TCF7L2: variants seen among roughly 807,000 people sequenced by gnomAD.
The protein encoded by TCF7L2 is transcription factor 7 like 2, also known as transcription factor 7-like 2.
TCF7L2 carries 23 observed loss-of-function variants against 77.9 expected under a neutral mutation model. That is an observed-to-expected ratio of 0.30 (90% CI 0.21 to 0.42). TCF7L2 has a LOEUF of 0.42. Ranked by LOEUF, TCF7L2 falls within the 10% of genes least tolerant of loss-of-function variation. The pLI is 1.00. For missense variants in TCF7L2, 654 were observed against 793.1 expected, an observed-to-expected ratio of 0.82 and a Z score of 2.11; for synonymous variants, 413 against 340.2, an observed-to-expected ratio of 1.21 and a Z score of -2.36.
At chr10:113,134,441 A>G (rs1322536239) in intron 5 of TCF7L2, among the ~76,000 whole-genome samples, 1 of 152,180 alleles carries the variant, frequency 6.6e-6, no homozygotes, top group African/African-American at 2.4e-5. Context: ...CAGCAGAAAT[A>G]GTTGCTAACT....
chr10:113,148,444 C>T (rs1037854573), intron 8 of TCF7L2, among the ~76,000 whole-genome samples: 1 of 152,112 alleles, frequency 6.6e-6, no homozygotes, highest in South Asian at 2.1e-4. Context: ...AATGACAAAC[C>T]TAATGCAACT....
At chr10:113,048,215 G>C (rs2053795284) in intron 5 of TCF7L2, among the ~76,000 whole-genome samples, 1 of 152,172 alleles carries the variant, frequency 6.6e-6, no homozygotes, top group South Asian at 2.1e-4. Flanking sequence ...CGCCTACTTA[G>C]AGCTACACTC....
At chr10:113,082,370 C>G (rs1204731508) in intron 5 of TCF7L2, among the ~76,000 whole-genome samples, 1 of 151,736 alleles carries the variant, frequency 6.6e-6, no homozygotes, top group South Asian at 2.1e-4. Context: ...TTTCCCTGTA[C>G]TGTTTATGAT....
At chr10:112,954,501 T>G (rs920722125) in intron 3 of TCF7L2, among the ~76,000 whole-genome samples, 2 of 152,248 alleles carry the variant, frequency 1.3e-5, no homozygotes, top group Non-Finnish European at 2.9e-5. Context: ...CAAAGATTTC[T>G]GCATAATATT....
At chr10:113,129,752 AAAG>A (rs1326599470) in intron 5 of TCF7L2, 2 of 1,253,486 alleles carry the variant, frequency 1.6e-6, no homozygotes, top group Non-Finnish European at 2.0e-6. Flanking sequence ...CTGGGAGGAA[AAAG>A]AAAAGTGAGA....
At chr10:113,143,866 G>A (rs980346456) in intron 6 of TCF7L2, 57 bp from the exon 7 acceptor site, 4 of 1,349,968 alleles carry the variant, frequency 3.0e-6, no homozygotes, top group Admixed American at 3.5e-5. Flanking sequence ...ATCCCCTAAT[G>A]GATTGCTCTT....
chr10:113,059,080 G>A (rs184354405), intron 5 of TCF7L2, among the ~76,000 whole-genome samples: 2 of 152,278 alleles, frequency 1.3e-5, no homozygotes, highest in Non-Finnish European at 2.9e-5. Context: ...GGGAGGGGAA[G>A]CTTTAGGGCC....
At chr10:113,070,734 C>T (rs190113698) in intron 5 of TCF7L2, among the ~76,000 whole-genome samples, 5 of 152,164 alleles carry the variant, frequency 3.3e-5, no homozygotes, top group Non-Finnish European at 5.9e-5. Context: ...GCTCTATTTG[C>T]TATAGTTAAA....
chr10:113,130,703 T>G (rs1460581361), intron 5 of TCF7L2, among the ~76,000 whole-genome samples: 1 of 152,078 alleles, frequency 6.6e-6, no homozygotes, highest in East Asian at 1.9e-4. Context: ...AATTTGGGAT[T>G]TAGGATCCAT....
intron 4 of TCF7L2, among the ~76,000 whole-genome samples, chr10:113,021,020 C>G (rs2048188803): frequency 6.6e-6 from 1 of 152,188 alleles, no homozygotes; most frequent in African/African-American, 2.4e-5. Flanking sequence ...TGATCGTTCT[C>G]TTCTGTCTCT....
chr10:113,060,558 C>G (rs1251417450), intron 5 of TCF7L2, among the ~76,000 whole-genome samples: 1 of 152,054 alleles, frequency 6.6e-6, no homozygotes, highest in East Asian at 1.9e-4. Context: ...GCTTTCTCTC[C>G]AAGCGAGGGG....
intron 5 of TCF7L2, among the ~76,000 whole-genome samples, chr10:113,104,046 C>G (rs545440812): frequency 3.9e-5 from 6 of 152,290 alleles, no homozygotes; most frequent in Admixed American, 3.3e-4. Flanking sequence ...CAGCCCCCTC[C>G]TGAGAATTAG....
intron 4 of TCF7L2, among the ~76,000 whole-genome samples, chr10:113,033,185 TTCC>T (rs1170163535): frequency 6.7e-6 from 1 of 150,080 alleles, no homozygotes; most frequent in Non-Finnish European, 1.5e-5. Context: ...CCTCCCTCCT[TTCC>T]TCCTCCTCCT....
intron 1 of TCF7L2, 64 bp downstream of exon 1, chr10:112,951,009 T>G: frequency 6.5e-7 from 1 of 1,543,748 alleles, no homozygotes; most frequent in South Asian, 1.2e-5. Context: ...CAAATGTTGC[T>G]GAAAGGGGAG....
Position 113,029,479 on chromosome 10 carries a change from A to G in TCF7L2, c.451-10546A>G, listed in dbSNP as rs138434152. Among the ~76,000 whole-genome samples, 139 of 148,572 alleles carry G rather than the reference A, an allele frequency of 9.4e-4. 1 individual carries two copies. In the East Asian group the frequency reaches 0.011, roughly 12 times the overall value. On this transcript the variant is annotated intron_variant, in intron 4 of 13. Coordinates refer to ENST00000627217, the MANE Select transcript of TCF7L2 (RefSeq NM_001146274.2). Reference sequence around the variant, plus strand: ...TCACAGGTTTTCTGTTCATTCTTCTATGGTGGAGTGTGTGTGTATGTGACT... The same window carrying G: ...TCACAGGTTTTCTGTTCATTCTTCTGTGGTGGAGTGTGTGTGTATGTGACT...
At chr10:113,105,749 C>T (rs185270076) in intron 5 of TCF7L2, among the ~76,000 whole-genome samples, 20 of 152,282 alleles carry the variant, frequency 1.3e-4, no homozygotes, top group East Asian at 9.7e-4. Context: ...TCCAGGCAGA[C>T]GACAGTCTCT....
intron 6 of TCF7L2, 86 bp downstream of exon 6, chr10:113,141,402 G>T: frequency 5.0e-6 from 8 of 1,584,406 alleles, no homozygotes; most frequent in Non-Finnish European, 6.9e-6. Context: ...AACCCCAGGG[G>T]TGGAGCAGTA....
chr10:113,079,682 G>C (rs965544125), intron 5 of TCF7L2, among the ~76,000 whole-genome samples: 1 of 151,922 alleles, frequency 6.6e-6, no homozygotes, highest in Non-Finnish European at 1.5e-5. Context: ...TTCTGAGACA[G>C]AGTCTCGCTC....
At chr10:113,080,028 C>G (rs567252923) in intron 5 of TCF7L2, among the ~76,000 whole-genome samples, 1 of 151,934 alleles carries the variant, frequency 6.6e-6, no homozygotes, top group South Asian at 2.1e-4. Flanking sequence ...TGTGTACTGT[C>G]TCTGCCTCTG....
Sources: allele counts gnomAD v4.1 joint callset (sites outside exome capture counted in the v4.1 genomes callset), GRCh38; gene constraint gnomAD v4.1.1; transcripts MANE v1.5; gene names NCBI Gene and HGNC (gene_info 2026-07-23, HGNC 2026-07-21).